Variants in ZMAT4 observed in about 807,000 individuals in gnomAD.
ZMAT4 encodes zinc finger matrin-type 4.
A neutral mutation model predicts 28.7 loss-of-function variants in ZMAT4; 17 were observed. The ratio of observed to expected loss-of-function variants is 0.59; its 90% confidence interval spans 0.41 to 0.89. The LOEUF (loss-of-function observed/expected upper bound fraction) is 0.89. ZMAT4 is among the 40% of genes least tolerant of loss of function. ZMAT4 has a pLI of 0.00. For missense variants in ZMAT4, 240 were observed against 283.8 expected (o/e 0.85, Z 1.11); for synonymous variants, 117 against 109.2 (o/e 1.07, Z -0.44).
chr8:40,777,890 C>T (rs1813669220), intron 2 of ZMAT4, among the ~76,000 whole-genome samples: 1 of 152,120 alleles, frequency 6.6e-6, no homozygotes. Flanking sequence ...ATCTTTTTAC[C>T]CTATTACTTT....
At chr8:40,644,134 G>A (rs1270732067) in intron 5 of ZMAT4, among the ~76,000 whole-genome samples, 1 of 152,098 alleles carries the variant, frequency 6.6e-6, no homozygotes, top group East Asian at 1.9e-4. Flanking sequence ...TTATAGTAGA[G>A]AAATGGATAA....
At chr8:40,553,384 C>T (rs769846616) in intron 6 of ZMAT4, among the ~76,000 whole-genome samples, 7 of 152,092 alleles carry the variant, frequency 4.6e-5, no homozygotes, top group African/African-American at 7.2e-5. Flanking sequence ...AAAACTTGAA[C>T]ATTCTGATGT....
chr8:40,532,265 T>C, intron 6 of ZMAT4, 27 bp from the exon 7 acceptor site: 1 of 1,569,844 alleles, frequency 6.4e-7, no homozygotes, highest in Admixed American at 1.8e-5. Context: ...AACACAGTGT[T>C]ACCTTCTTTC....
intron 5 of ZMAT4, among the ~76,000 whole-genome samples, chr8:40,627,489 T>G (rs1479153679): frequency 6.6e-6 from 1 of 152,196 alleles, no homozygotes; most frequent in Non-Finnish European, 1.5e-5. Context: ...TGTTTTACTG[T>G]CTTTGTGGAT....
At chr8:40,815,233 C>T (rs1815481838) in intron 2 of ZMAT4, among the ~76,000 whole-genome samples, 1 of 152,054 alleles carries the variant, frequency 6.6e-6, no homozygotes, top group African/African-American at 2.4e-5. Flanking sequence ...TGAGATCATG[C>T]AAATGCACTC....
chr8:40,552,099 G>A (rs752272900), intron 6 of ZMAT4, among the ~76,000 whole-genome samples: 4 of 152,156 alleles, frequency 2.6e-5, no homozygotes, highest in Admixed American at 6.5e-5. Context: ...TTACAACATG[G>A]TATGTCTTCA....
chr8:40,727,579 G>C (rs72641503), intron 3 of ZMAT4, among the ~76,000 whole-genome samples: 34,632 of 152,128 alleles, frequency 0.23, 5,260 homozygotes, highest in Middle Eastern at 0.35. Context: ...GGAGAAGAGG[G>C]TGGATATTGA....
Position 40,782,965 on chromosome 8 carries a change from G to A in ZMAT4, c.103-15235C>T, listed in dbSNP as rs142841271. Among the ~76,000 whole-genome samples the A allele has an allele frequency of 4.0e-3, 611 of 152,300 alleles. 4 individuals are homozygous for A. The highest frequency in any genetic ancestry group is 0.014 in the African/African-American group (583 of 41,548). ...AATTGAGACCTTACACACTCCTGGT[G>A]GGAACATAAAATGGTGTGGCCAGTT... On this transcript the variant is annotated intron_variant, in intron 2 of 6. Coordinates refer to ENST00000297737, the MANE Select transcript of ZMAT4 (RefSeq NM_024645.3).
chr8:40,855,157 C>G (rs908030574), intron 1 of ZMAT4, among the ~76,000 whole-genome samples: 2 of 152,230 alleles, frequency 1.3e-5, no homozygotes, highest in East Asian at 3.9e-4. Context: ...AAAAATTGGC[C>G]ACCTGCCCAC....
intron 1 of ZMAT4, among the ~76,000 whole-genome samples, chr8:40,884,356 C>T (rs1007186142): frequency 5.9e-5 from 9 of 152,176 alleles, no homozygotes; most frequent in South Asian, 2.1e-4. Flanking sequence ...ACAAACATCC[C>T]GCTACTTTTC....
intron 1 of ZMAT4, among the ~76,000 whole-genome samples, chr8:40,856,374 G>T (rs1202579988): frequency 6.6e-6 from 1 of 152,188 alleles, no homozygotes; most frequent in East Asian, 1.9e-4. Flanking sequence ...GCAAAAGGAA[G>T]AGAGAACTCC....
At chr8:40,885,275 C>T (rs541701441) in intron 1 of ZMAT4, among the ~76,000 whole-genome samples, 21 of 152,254 alleles carry the variant, frequency 1.4e-4, no homozygotes, top group South Asian at 4.1e-4. Context: ...TTGGAATCAT[C>T]CTCGAACCCT....
intron 4 of ZMAT4, among the ~76,000 whole-genome samples, chr8:40,677,741 T>C (rs186261076): frequency 2.9e-4 from 44 of 152,286 alleles, no homozygotes; most frequent in Non-Finnish European, 4.6e-4. Context: ...GAATGAAGAA[T>C]GGGGCAAAGA....
At chr8:40,767,348 C>A (rs1442858124) in intron 3 of ZMAT4, among the ~76,000 whole-genome samples, 1 of 152,148 alleles carries the variant, frequency 6.6e-6, no homozygotes, top group Non-Finnish European at 1.5e-5. Flanking sequence ...ATGTTGTGGT[C>A]CTGCCTCCCC....
intron 5 of ZMAT4, among the ~76,000 whole-genome samples, chr8:40,589,325 A>T (rs565900631): frequency 1.4e-4 from 22 of 152,316 alleles, no homozygotes; most frequent in African/African-American, 5.1e-4. Context: ...TTCTGGCTGT[A>T]GAGTCTATAC....
intron 2 of ZMAT4, among the ~76,000 whole-genome samples, chr8:40,806,406 A>G (rs1815086674): frequency 6.6e-6 from 1 of 152,236 alleles, no homozygotes; most frequent in Non-Finnish European, 1.5e-5. Flanking sequence ...CACACATATG[A>G]AAAATGTCCA....
At chr8:40,884,172 G>T (rs894282721) in intron 1 of ZMAT4, among the ~76,000 whole-genome samples, 1 of 151,860 alleles carries the variant, frequency 6.6e-6, no homozygotes, top group African/African-American at 2.4e-5. Flanking sequence ...CATCCAAGAG[G>T]GTCCCCCACC....
intron 5 of ZMAT4, among the ~76,000 whole-genome samples, chr8:40,638,405 C>T (rs1271127117): frequency 6.6e-6 from 1 of 152,188 alleles, no homozygotes; most frequent in East Asian, 1.9e-4. Flanking sequence ...TTAATTTATA[C>T]TCATTTAATG....
At chr8:40,613,180 C>CTTTTTT (rs34687121) in intron 5 of ZMAT4, among the ~76,000 whole-genome samples, 48 of 79,972 alleles carry the variant, frequency 6.0e-4, no homozygotes, top group Non-Finnish European at 8.2e-4. Flanking sequence ...TACTTTCTTT[C>CTTTTTT]TTTTTTTTTT....
Sources: gnomAD v4.1 joint callset for allele counts (sites outside exome capture counted in the v4.1 genomes callset) on GRCh38, gnomAD v4.1.1 for gene constraint, MANE v1.5 for transcripts, NCBI Gene and HGNC (gene_info 2026-07-23, HGNC 2026-07-21) for gene names.